FGD4: variants seen among roughly 807,000 people sequenced by gnomAD.
FGD4 encodes FYVE, RhoGEF and PH domain-containing protein 4.
Under a neutral mutation model 102.0 loss-of-function variants are expected in FGD4, and 42 were observed. The ratio of observed to expected loss-of-function variants is 0.41; its 90% confidence interval spans 0.32 to 0.53. FGD4 has a LOEUF of 0.53. Among genes scored for constraint, FGD4 ranks in the 20% least tolerant of loss-of-function variants. The pLI is 0.21. For synonymous variants in FGD4, 380 were observed against 375.7 expected, an observed-to-expected ratio of 1.01 and a Z score of -0.13; for missense variants, 902 against 1,078.2, an observed-to-expected ratio of 0.84 and a Z score of 2.29.
chr12:32,592,965 G>A (rs1947602582), intron 4 of FGD4, among the ~76,000 whole-genome samples: 1 of 152,146 alleles, frequency 6.6e-6, no homozygotes, highest in Non-Finnish European at 1.5e-5. Context: ...CTATTTACAG[G>A]CACATATCAC....
At chr12:32,634,301 TC>T (rs1950666065) in intron 15 of FGD4, among the ~76,000 whole-genome samples, 1 of 152,196 alleles carries the variant, frequency 6.6e-6, no homozygotes, top group Admixed American at 6.5e-5. Flanking sequence ...ACTCTCAATT[TC>T]GTCATATTGG....
chr12:32,565,522 T>A (rs138510514), intron 2 of FGD4, among the ~76,000 whole-genome samples: 1 of 152,328 alleles, frequency 6.6e-6, no homozygotes, highest in African/African-American at 2.4e-5. Flanking sequence ...AGATCCAGTG[T>A]GAGGTAAGAA....
chr12:32,525,939 C>T (rs759124166), intron 1 of FGD4, among the ~76,000 whole-genome samples: 11 of 152,248 alleles, frequency 7.2e-5, no homozygotes, highest in Non-Finnish European at 1.6e-4. Flanking sequence ...TACAGCCCGC[C>T]ATGCCTGAGC....
At chr12:32,486,435 A>G (rs1943903184) in intron 1 of FGD4, among the ~76,000 whole-genome samples, 1 of 152,200 alleles carries the variant, frequency 6.6e-6, no homozygotes, top group Non-Finnish European at 1.5e-5. Context: ...GTGTTTCCTG[A>G]GAGTAGTGGA....
At chr12:32,568,488 C>T (rs1945372067) in intron 2 of FGD4, among the ~76,000 whole-genome samples, 1 of 152,192 alleles carries the variant, frequency 6.6e-6, no homozygotes. Context: ...TCCTGCCATG[C>T]TAGACAGTGA....
At chr12:32,466,072 C>G (rs1475456926) in intron 1 of FGD4, among the ~76,000 whole-genome samples, 1 of 152,120 alleles carries the variant, frequency 6.6e-6, no homozygotes, top group Non-Finnish European at 1.5e-5. Context: ...GCTACTGTAC[C>G]CAGCCTAAAG....
intron 1 of FGD4, among the ~76,000 whole-genome samples, chr12:32,500,946 G>A (rs1938175684): frequency 6.6e-6 from 1 of 152,210 alleles, no homozygotes; most frequent in Non-Finnish European, 1.5e-5. Flanking sequence ...CACTGTCCCT[G>A]GTCTTGAGGT....
chr12:32,582,625 C>A, intron 4 of FGD4, 158 bp downstream of exon 4: 1 of 883,014 alleles, frequency 1.1e-6, no homozygotes, highest in Non-Finnish European at 1.8e-6. Flanking sequence ...AGCATTTCCC[C>A]TATGCTCTAA....
At position 32,612,067 on chromosome 12, in the gene FGD4, C is replaced by T. The variant is rs539494763; in HGVS notation, c.1749+784C>T. ...CACACTTGGGGCAGCGCTGATATGC[C>T]AGCCCCCTGGTATCTCAGCCCCTTC... On this transcript the variant is annotated intron_variant, in intron 10 of 16. Transcript: ENST00000534526. 5.9e-5 allele frequency among the ~76,000 whole-genome samples: 9 copies of T among 152,364 alleles called. No homozygotes were observed. In the South Asian group the frequency reaches 1.9e-3, roughly 32 times the overall value.
At chr12:32,521,063 C>G (rs1210494991) in intron 1 of FGD4, among the ~76,000 whole-genome samples, 1 of 152,084 alleles carries the variant, frequency 6.6e-6, no homozygotes, top group Non-Finnish European at 1.5e-5. Context: ...TAATAATGAA[C>G]AGGACAGACA....
intron 2 of FGD4, among the ~76,000 whole-genome samples, chr12:32,564,754 G>A (rs974788066): frequency 2.0e-5 from 3 of 152,220 alleles, no homozygotes; most frequent in African/African-American, 2.4e-5. Flanking sequence ...AAGGTCTTCC[G>A]CAGAAAGGAA....
chr12:32,635,594 A>G (rs534888565), intron 15 of FGD4, among the ~76,000 whole-genome samples: 2 of 152,322 alleles, frequency 1.3e-5, no homozygotes, highest in African/African-American at 4.8e-5. Flanking sequence ...CAGAGAGAAA[A>G]TATTTTAGTC....
intron 1 of FGD4, among the ~76,000 whole-genome samples, chr12:32,425,429 T>C (rs1591875634): frequency 6.6e-6 from 1 of 152,360 alleles, no homozygotes; most frequent in East Asian, 1.9e-4. Flanking sequence ...TCTATTAGTC[T>C]ATATATCTGT....
In FGD4 at chr12:32,506,531, G is replaced by T. The variant is rs1293066834; in HGVS notation, c.167-57606G>T. 6.6e-6 allele frequency among the ~76,000 whole-genome samples: 1 copy of T among 152,038 alleles called. No homozygotes were observed. Among genetic ancestry groups the T allele is most frequent in the Non-Finnish European group, 1.5e-5 (1 of 68,022 alleles). On this transcript the variant is annotated intron_variant, in intron 1 of 16. Transcript: ENST00000534526. This position sits in a 1 kb window ranked among gnomAD's most constrained non-coding sequence, Gnocchi z 4.5. Reference sequence around the variant, plus strand: ...GCAGCATCTAGCATTCCTGTTGTGGGTTAGTACAACTTTCCTGTGGGCCTT... The same window carrying T: ...GCAGCATCTAGCATTCCTGTTGTGGTTTAGTACAACTTTCCTGTGGGCCTT...
chr12:32,605,102 T>C (rs1029298194), intron 7 of FGD4, among the ~76,000 whole-genome samples: 1 of 151,962 alleles, frequency 6.6e-6, no homozygotes, highest in African/African-American at 2.4e-5. Flanking sequence ...CTACACCTGG[T>C]TAATTTTTGT....
chr12:32,619,171 A>G (rs1309454143), intron 10 of FGD4, among the ~76,000 whole-genome samples: 1 of 152,236 alleles, frequency 6.6e-6, no homozygotes, highest in East Asian at 1.9e-4. Flanking sequence ...TATCAATAAA[A>G]TATGTATAAG....
At chr12:32,621,608 G>A (rs775776039) in intron 11 of FGD4, among the ~76,000 whole-genome samples, 11 of 152,232 alleles carry the variant, frequency 7.2e-5, no homozygotes, top group Non-Finnish European at 1.0e-4. Flanking sequence ...AAGAATTGGT[G>A]AATTTACAGT....
At chr12:32,589,525 G>T (rs77841044) in intron 4 of FGD4, among the ~76,000 whole-genome samples, 1 of 152,170 alleles carries the variant, frequency 6.6e-6, no homozygotes, top group East Asian at 1.9e-4. Flanking sequence ...GGTTAATTCA[G>T]TTATTTAATG....
At chr12:32,449,650 T>G (rs1942713839) in intron 1 of FGD4, among the ~76,000 whole-genome samples, 1 of 152,214 alleles carries the variant, frequency 6.6e-6, no homozygotes, top group South Asian at 2.1e-4. Flanking sequence ...ATTAAGGTGG[T>G]GTCTGCCTGG....
Sources: gnomAD v4.1 joint callset for allele counts (sites outside exome capture counted in the v4.1 genomes callset) on GRCh38, gnomAD v4.1.1 for gene constraint, Gnocchi (gnomAD v3.1) non-coding constraint, MANE v1.5 for transcripts, NCBI Gene and HGNC (gene_info 2026-07-23, HGNC 2026-07-21) for gene names.